MPP7: variants seen among roughly 807,000 people sequenced by gnomAD.
MPP7 encodes MAGUK p55 scaffold protein 7, also known as MAGUK p55 subfamily member 7.
In MPP7, 60 loss-of-function variants were observed where a neutral mutation model predicts 76.5. The observed-to-expected ratio is 0.78, with a 90% CI of 0.64 to 0.97. The LOEUF is 0.97. Among genes scored for constraint, MPP7 ranks in the 50% least tolerant of loss-of-function variants. The pLI is 0.00. For synonymous variants in MPP7, 237 were observed against 244.5 expected (o/e 0.97, Z 0.29); for missense variants, 641 against 694.0 (o/e 0.92, Z 0.86).
chr10:28,193,769 AAAG>A (rs774485118), intron 3 of MPP7, among the ~76,000 whole-genome samples: 7 of 152,204 alleles, frequency 4.6e-5, no homozygotes, highest in Non-Finnish European at 8.8e-5. Context: ...ACACCTCAGC[AAAG>A]AAGATGTATA....
At chr10:28,110,012 T>C (rs970891125) in intron 11 of MPP7, among the ~76,000 whole-genome samples, 1 of 151,874 alleles carries the variant, frequency 6.6e-6, no homozygotes, top group African/African-American at 2.4e-5. Flanking sequence ...TCCTCCAACT[T>C]TCTTCAGTGG....
chr10:28,286,647 A>G (rs761533620), intron 1 of MPP7, among the ~76,000 whole-genome samples: 1 of 152,146 alleles, frequency 6.6e-6, no homozygotes, highest in Non-Finnish European at 1.5e-5. Flanking sequence ...CATCAAAATT[A>G]TCATTATAAT....
At chr10:28,121,329 T>C (rs531248523) in intron 8 of MPP7, among the ~76,000 whole-genome samples, 23 of 150,634 alleles carry the variant, frequency 1.5e-4, no homozygotes, top group African/African-American at 5.6e-4. Context: ...AGTATCAGCA[T>C]CCATGTTTTG....
At chr10:28,331,643 C>T (rs562118693) in intron 1 of MPP7, among the ~76,000 whole-genome samples, 7 of 152,168 alleles carry the variant, frequency 4.6e-5, no homozygotes, top group Admixed American at 1.3e-4. Flanking sequence ...GGCATAATCT[C>T]GGCTCACTGC....
chr10:28,153,009 T>C (rs1302872789), intron 3 of MPP7, among the ~76,000 whole-genome samples: 1 of 152,086 alleles, frequency 6.6e-6, no homozygotes, highest in East Asian at 1.9e-4. Flanking sequence ...ATCCCAGCAC[T>C]TTAGGAGGCC....
chr10:28,123,935 T>C, intron 8 of MPP7, 96 bp downstream of exon 8: 1 of 838,180 alleles, frequency 1.2e-6, no homozygotes, highest in Non-Finnish European at 2.0e-6. Flanking sequence ...CACTGCTTAA[T>C]ACAAATCCTG....
At chr10:28,084,278 T>C (rs1852901257) in intron 12 of MPP7, among the ~76,000 whole-genome samples, 1 of 152,144 alleles carries the variant, frequency 6.6e-6, no homozygotes, top group Non-Finnish European at 1.5e-5. Context: ...TGGCAGCCAA[T>C]TCACAATCAC....
At chr10:28,114,228 T>C (rs918959627) in intron 11 of MPP7, among the ~76,000 whole-genome samples, 2 of 152,044 alleles carry the variant, frequency 1.3e-5, no homozygotes, top group African/African-American at 4.8e-5. Flanking sequence ...GTGAACCACA[T>C]AGTGAGAACC....
chr10:28,332,354 T>C (rs1333384404), intron 1 of MPP7, among the ~76,000 whole-genome samples: 1 of 152,066 alleles, frequency 6.6e-6, no homozygotes, highest in Non-Finnish European at 1.5e-5. Context: ...CCTAACTATA[T>C]TTCCCTCTTA....
At chr10:28,133,263 T>C (rs769845096) in intron 5 of MPP7, among the ~76,000 whole-genome samples, 2 of 152,182 alleles carry the variant, frequency 1.3e-5, no homozygotes, top group Non-Finnish European at 2.9e-5. Flanking sequence ...TTAAATCACA[T>C]AACTACCCCT....
At chr10:28,103,017 A>G (rs1853898899) in intron 11 of MPP7, among the ~76,000 whole-genome samples, 1 of 152,128 alleles carries the variant, frequency 6.6e-6, no homozygotes. Flanking sequence ...CTCAATTCCT[A>G]TCACTCTCCC....
chr10:28,053,353 G>C lies in MPP7; in HGVS notation c.*712C>G, dbSNP rs945176945. The C allele has an allele frequency of 6.6e-6, 1 of 151,976 alleles. No individual in the cohort carries two copies. Among genetic ancestry groups the C allele is most frequent in the Non-Finnish European group, 1.5e-5 (1 of 68,016 alleles). The allele number at this position is 151,976 out of a possible 1,614,324, so 9.4% of individuals were successfully genotyped here. A position where few individuals can be genotyped will look rare whatever the true frequency, so the allele number is the denominator to read the frequency against. ...CATTCTTACTTATATTAATCCCAAA[G>C]GAAAGGCTTTTCGTTACATATATAA... On this transcript the variant is annotated 3_prime_UTR_variant, in exon 17 of 17. Coordinates refer to ENST00000683449, the MANE Select transcript of MPP7 (RefSeq NM_001318170.2).
intron 4 of MPP7, among the ~76,000 whole-genome samples, chr10:28,148,545 A>G (rs532561627): frequency 6.6e-6 from 1 of 152,328 alleles, no homozygotes; most frequent in East Asian, 1.9e-4. Flanking sequence ...GAAGGGCATA[A>G]TATAAATTGT....
At chr10:28,232,407 T>G (rs1838920128) in intron 2 of MPP7, among the ~76,000 whole-genome samples, 1 of 149,204 alleles carries the variant, frequency 6.7e-6, no homozygotes, top group African/African-American at 2.5e-5. Context: ...ATTGGTAACG[T>G]AAGATGGATT....
At chr10:28,126,488 C>T (rs1429057406) in intron 6 of MPP7, among the ~76,000 whole-genome samples, 5 of 152,120 alleles carry the variant, frequency 3.3e-5, no homozygotes, top group Admixed American at 1.3e-4. Context: ...ATTAAATGGT[C>T]GTAATTTGTC....
intron 2 of MPP7, among the ~76,000 whole-genome samples, chr10:28,324,838 G>A (rs187589793): frequency 6.6e-6 from 1 of 152,290 alleles, no homozygotes; most frequent in East Asian, 1.9e-4. Context: ...TAGGAGATCA[G>A]TTATTAGCCC....
intron 6 of MPP7, among the ~76,000 whole-genome samples, chr10:28,130,156 T>C (rs1835147482): frequency 6.6e-6 from 1 of 152,182 alleles, no homozygotes; most frequent in Admixed American, 6.5e-5. Flanking sequence ...TATATTCTAA[T>C]ATCTTTTAAA....
chr10:28,248,498 C>T (rs79165667), intron 1 of MPP7, among the ~76,000 whole-genome samples: 1 of 152,154 alleles, frequency 6.6e-6, no homozygotes, highest in African/African-American at 2.4e-5. Context: ...TCCTTGGCCT[C>T]CCTTTCTAAA....
intron 3 of MPP7, among the ~76,000 whole-genome samples, chr10:28,198,169 A>T (rs1159991334): frequency 6.6e-6 from 1 of 152,254 alleles, no homozygotes; most frequent in Non-Finnish European, 1.5e-5. Flanking sequence ...AGGGGTAAAC[A>T]TAACACAACC....
Sources: gnomAD v4.1 joint callset for allele counts (sites outside exome capture counted in the v4.1 genomes callset) on GRCh38, gnomAD v4.1.1 for gene constraint, MANE v1.5 for transcripts, NCBI Gene and HGNC (gene_info 2026-07-23, HGNC 2026-07-21) for gene names.